Variants in KHDRBS2 observed in about 807,000 individuals in gnomAD.
KHDRBS2 encodes the protein KH RNA binding domain containing, signal transduction associated 2.
KHDRBS2 carries 26 observed loss-of-function variants against 44.3 expected under a neutral mutation model. The observed-to-expected ratio is 0.59, with a 90% CI of 0.43 to 0.81. The LOEUF is 0.81. KHDRBS2 is among the 40% of genes least tolerant of loss of function. The probability of loss-of-function intolerance (pLI) is 0.00; values close to 1 mark genes in which losing one functional copy is unlikely to be tolerated. For missense variants in KHDRBS2, 476 were observed against 433.1 expected (o/e 1.10, Z -0.88); for synonymous variants, 194 against 151.1 (o/e 1.28, Z -2.08).
At chr6:61,967,437 A>G (rs948753515) in intron 4 of KHDRBS2, among the ~76,000 whole-genome samples, 1 of 151,936 alleles carries the variant, frequency 6.6e-6, no homozygotes, top group Non-Finnish European at 1.5e-5. Context: ...ACAGATGGAT[A>G]GATTGATAGA....
chr6:62,016,383 A>G (rs918989800), intron 3 of KHDRBS2, among the ~76,000 whole-genome samples: 2 of 151,902 alleles, frequency 1.3e-5, no homozygotes. Flanking sequence ...TGACTATACA[A>G]TAAGTGTTCC....
At chr6:61,622,158 C>T in the KHDRBS2 span, among the ~76,000 whole-genome samples, 1 of 152,158 alleles carries the variant, frequency 6.6e-6, no homozygotes, top group Non-Finnish European at 1.5e-5. Flanking sequence ...TAATTTATTA[C>T]ACAGAAATAA....
chr6:62,107,583 G>GA lies in KHDRBS2; in HGVS notation c.220-59590dup, dbSNP rs1432877779. Among the ~76,000 whole-genome samples the GA allele has an allele frequency of 5.9e-5, 9 of 152,048 alleles. No individual in the cohort carries two copies. The South Asian group carries it at 8.3e-4, about 14-fold the overall frequency. On this transcript the variant is annotated intron_variant, in intron 2 of 8. Transcript: ENST00000281156. The stretch of plus-strand genomic sequence containing the variant: ...ACCAATGACTTTCTTCACAGAATTG[G>GA]AAAAAAATACTTTAAACTTCATATG...
intron 2 of KHDRBS2, among the ~76,000 whole-genome samples, chr6:62,118,644 G>T (rs552713657): frequency 6.6e-6 from 1 of 152,208 alleles, no homozygotes; most frequent in South Asian, 2.1e-4. Context: ...CCTCAATCTG[G>T]GTGGGCACCA....
intron 3 of KHDRBS2, among the ~76,000 whole-genome samples, chr6:62,011,119 C>T (rs77645821): frequency 1.9e-4 from 29 of 152,114 alleles, no homozygotes; most frequent in Admixed American, 9.8e-4. Flanking sequence ...TGTCTAAAAA[C>T]GTACAAACAG....
At chr6:61,560,991 G>A in the KHDRBS2 span, among the ~76,000 whole-genome samples, 1 of 152,014 alleles carries the variant, frequency 6.6e-6, no homozygotes, top group Non-Finnish European at 1.5e-5. Context: ...AGGTACTTGG[G>A]TGCTGTGATC....
intron 4 of KHDRBS2, among the ~76,000 whole-genome samples, chr6:61,964,526 A>C (rs1228115878): frequency 6.6e-6 from 1 of 152,104 alleles, no homozygotes; most frequent in African/African-American, 2.4e-5. Flanking sequence ...TTACACATCG[A>C]ATTTTTAATT....
chr6:61,861,670 T>C (rs1796997276), intron 6 of KHDRBS2, among the ~76,000 whole-genome samples: 1 of 151,990 alleles, frequency 6.6e-6, no homozygotes, highest in African/African-American at 2.4e-5. Context: ...GTTTTTTTTT[T>C]TCTTAGGATT....
chr6:62,081,290 C>G (rs1388805925), intron 2 of KHDRBS2, among the ~76,000 whole-genome samples: 1 of 152,036 alleles, frequency 6.6e-6, no homozygotes, highest in African/African-American at 2.4e-5. Flanking sequence ...GGTTAAATGA[C>G]TTCTTAAGTG....
the KHDRBS2 span, among the ~76,000 whole-genome samples, chr6:61,584,492 G>C: frequency 2.0e-5 from 3 of 151,748 alleles, no homozygotes; most frequent in South Asian, 6.2e-4. Context: ...TAACTATATT[G>C]GCTGATTTGC....
At chr6:61,565,279 GC>G in the KHDRBS2 span, among the ~76,000 whole-genome samples, 65 of 152,112 alleles carry the variant, frequency 4.3e-4, no homozygotes, top group South Asian at 2.1e-3. Flanking sequence ...GAGTAAGACA[GC>G]AAAAGCACAG....
downstream of KHDRBS2, among the ~76,000 whole-genome samples, chr6:61,675,963 A>T (rs1469670250): frequency 2.0e-5 from 3 of 151,776 alleles, no homozygotes; most frequent in Non-Finnish European, 4.4e-5. Flanking sequence ...ATGCCATGCA[A>T]GTTTGTGTCA....
chr6:61,640,976 C>T, the KHDRBS2 span, among the ~76,000 whole-genome samples: 1 of 152,096 alleles, frequency 6.6e-6, no homozygotes, highest in African/African-American at 2.4e-5. Context: ...GATCTGAAAC[C>T]TCTACTTGGT....
At chr6:62,077,989 T>C (rs1264439849) in intron 2 of KHDRBS2, among the ~76,000 whole-genome samples, 1 of 152,040 alleles carries the variant, frequency 6.6e-6, no homozygotes, top group Non-Finnish European at 1.5e-5. Flanking sequence ...GGAAAAGGCA[T>C]CATACCATAC....
chr6:62,189,810 A>G lies in KHDRBS2; in HGVS notation c.92-12498T>C, dbSNP rs114010491. ...AAGTAGGTGAGGAGTAGCAACATTT[A>G]CAGATATAAAAATGACTGGCAGAAG... On this transcript the variant is annotated intron_variant, in intron 1 of 8. Transcript: ENST00000281156. Among the ~76,000 whole-genome samples, 381 of 152,252 alleles carry G rather than the reference A, an allele frequency of 2.5e-3. 3 individuals carry two copies. Among genetic ancestry groups the G allele is most frequent in the African/African-American group, 8.4e-3 (349 of 41,548 alleles).
At chr6:61,624,082 A>G in the KHDRBS2 span, among the ~76,000 whole-genome samples, 1 of 152,236 alleles carries the variant, frequency 6.6e-6, no homozygotes, top group Non-Finnish European at 1.5e-5. Flanking sequence ...GAAGTAGCAG[A>G]AAGACATATG....
chr6:62,159,287 C>T (rs1817109344), intron 2 of KHDRBS2, among the ~76,000 whole-genome samples: 2 of 152,118 alleles, frequency 1.3e-5, no homozygotes, highest in African/African-American at 4.8e-5. Context: ...CTAGGCATTA[C>T]AGTTGAGTAA....
chr6:61,907,811 T>C (rs1406348664), intron 4 of KHDRBS2, among the ~76,000 whole-genome samples: 5 of 152,210 alleles, frequency 3.3e-5, no homozygotes, highest in African/African-American at 1.2e-4. Context: ...GAATTAATCT[T>C]CATTCATTAG....
intron 3 of KHDRBS2, among the ~76,000 whole-genome samples, chr6:62,046,792 T>C (rs1306926934): frequency 6.6e-6 from 1 of 151,824 alleles, no homozygotes; most frequent in Non-Finnish European, 1.5e-5. Context: ...AATACAGTCG[T>C]TGCTGAAATT....
Sources: gnomAD v4.1 joint callset for allele counts (sites outside exome capture counted in the v4.1 genomes callset) on GRCh38, gnomAD v4.1.1 for gene constraint, MANE v1.5 for transcripts, NCBI Gene and HGNC (gene_info 2026-07-23, HGNC 2026-07-21) for gene names.